The following CNTN3 variants were observed in gnomAD, a reference collection of about 807,000 sequenced individuals.
CNTN3 encodes contactin 3.
A neutral mutation model predicts 119.1 loss-of-function variants in CNTN3; 60 were observed. The observed-to-expected ratio is 0.50, with a 90% CI of 0.41 to 0.62. CNTN3 has a LOEUF of 0.62. Among genes scored for constraint, CNTN3 ranks in the 20% least tolerant of loss-of-function variants. The probability of loss-of-function intolerance (pLI) is 0.00; values close to 1 mark genes in which losing one functional copy is unlikely to be tolerated. For missense variants in CNTN3, 1,101 were observed against 1,242.4 expected, an observed-to-expected ratio of 0.89 and a Z score of 1.71; for synonymous variants, 450 against 438.7, an observed-to-expected ratio of 1.03 and a Z score of -0.32.
At position 74,581,260 on chromosome 3, in the gene CNTN3, T is replaced by A. The variant is rs192756348; in HGVS notation, c.-81+33131A>T. On this transcript the variant is annotated intron_variant, in intron 1 of 22. Coordinates refer to ENST00000263665, the MANE Select transcript of CNTN3 (RefSeq NM_020872.3). ...CTATAAAAGAAAAAAACTACTTGAATGATACTGTGAATTAACAATGCTGCA... is the reference window on the plus strand; with the variant it reads ...CTATAAAAGAAAAAAACTACTTGAAAGATACTGTGAATTAACAATGCTGCA... Among the ~76,000 whole-genome samples, 741 of 152,262 alleles carry A rather than the reference T, an allele frequency of 4.9e-3. 4 individuals carry two copies. The highest frequency in any genetic ancestry group is 4.9e-3 in the Non-Finnish European group (330 of 68,018).
chr3:74,429,140 A>G (rs888830281), intron 4 of CNTN3, among the ~76,000 whole-genome samples: 2 of 152,194 alleles, frequency 1.3e-5, no homozygotes, highest in Non-Finnish European at 2.9e-5. Context: ...TCTGATCGAA[A>G]TATCAGCATG....
intron 20 of CNTN3, among the ~76,000 whole-genome samples, chr3:74,276,150 T>C (rs149282372): frequency 2.1e-3 from 316 of 152,120 alleles, no homozygotes; most frequent in African/African-American, 7.5e-3. Flanking sequence ...ATAAAACAAT[T>C]ATTAATAGAC....
chr3:74,477,434 A>C (rs1702678327), intron 4 of CNTN3, among the ~76,000 whole-genome samples: 1 of 152,204 alleles, frequency 6.6e-6, no homozygotes, highest in African/African-American at 2.4e-5. Context: ...GGGACTCAGT[A>C]AAAGGATTTC....
chr3:74,585,997 C>G (rs1704586912), intron 1 of CNTN3, among the ~76,000 whole-genome samples: 2 of 152,034 alleles, frequency 1.3e-5, no homozygotes, highest in African/African-American at 4.8e-5. Flanking sequence ...AGTAGAATAC[C>G]AACCCACTGG....
chr3:74,306,428 T>TA, intron 13 of CNTN3, among the ~76,000 whole-genome samples: 1 of 152,126 alleles, frequency 6.6e-6, no homozygotes, highest in Non-Finnish European at 1.5e-5. Flanking sequence ...ATACTTTGAA[T>TA]AAAAAATAGC....
intron 8 of CNTN3, among the ~76,000 whole-genome samples, chr3:74,368,974 G>A (rs939281908): frequency 2.0e-5 from 3 of 151,976 alleles, no homozygotes; most frequent in African/African-American, 7.2e-5. Flanking sequence ...ATTTTAAAAT[G>A]CAAAATGAAT....
At chr3:74,435,952 T>C (rs1451628832) in intron 4 of CNTN3, among the ~76,000 whole-genome samples, 1 of 152,162 alleles carries the variant, frequency 6.6e-6, no homozygotes, top group Admixed American at 6.5e-5. Flanking sequence ...GTTTTCTTTA[T>C]AAAACACACT....
At chr3:74,532,610 G>A (rs376576199) in intron 1 of CNTN3, among the ~76,000 whole-genome samples, 12 of 151,986 alleles carry the variant, frequency 7.9e-5, no homozygotes, top group East Asian at 5.8e-4. Flanking sequence ...GGTGGGGAGC[G>A]TCCACAGCGT....
At chr3:74,341,062 G>A (rs1324438331) in intron 11 of CNTN3, among the ~76,000 whole-genome samples, 1 of 152,078 alleles carries the variant, frequency 6.6e-6, no homozygotes, top group Non-Finnish European at 1.5e-5. Flanking sequence ...AACACCTTCA[G>A]AATCACACAA....
intron 13 of CNTN3, among the ~76,000 whole-genome samples, chr3:74,305,659 T>C (rs532151225): frequency 6.6e-6 from 1 of 151,520 alleles, no homozygotes; most frequent in African/African-American, 2.4e-5. Context: ...TATTTGATCA[T>C]GACCGATCAT....
intron 2 of CNTN3, among the ~76,000 whole-genome samples, chr3:74,508,103 C>T (rs1703297232): frequency 1.3e-5 from 2 of 151,996 alleles, no homozygotes; most frequent in Non-Finnish European, 2.9e-5. Flanking sequence ...AATTGTAATC[C>T]CCATAATCCC....
chr3:74,424,993 A>T (rs556001281), intron 4 of CNTN3, 53 bp from the exon 5 acceptor site: 1 of 1,189,590 alleles, frequency 8.4e-7, no homozygotes, highest in African/African-American at 1.6e-5. Context: ...TTAAATCACA[A>T]ATTTTACACC....
intron 5 of CNTN3, among the ~76,000 whole-genome samples, chr3:74,383,884 T>C (rs746630338): frequency 6.6e-6 from 1 of 152,194 alleles, no homozygotes; most frequent in Non-Finnish European, 1.5e-5. Flanking sequence ...TTTTCGAAAT[T>C]ACAGAACAGT....
At chr3:74,270,523 AT>A (rs1201336383) in intron 20 of CNTN3, among the ~76,000 whole-genome samples, 1 of 152,166 alleles carries the variant, frequency 6.6e-6, no homozygotes, top group Admixed American at 6.5e-5. Context: ...AGGTTTGGGG[AT>A]TTGAGGTGCC....
chr3:74,530,094 G>A (rs984003847), intron 1 of CNTN3, among the ~76,000 whole-genome samples: 11 of 151,990 alleles, frequency 7.2e-5, no homozygotes, highest in Non-Finnish European at 1.5e-4. Flanking sequence ...CAGCATGTCA[G>A]GTATAAGCAC....
intron 5 of CNTN3, among the ~76,000 whole-genome samples, chr3:74,372,029 C>T (rs1295317587): frequency 7.2e-5 from 11 of 152,142 alleles, no homozygotes; most frequent in African/African-American, 2.4e-4. Flanking sequence ...CATCAGGAAT[C>T]ACCTCCTCAA....
At chr3:74,369,822 A>C in intron 7 of CNTN3, 67 bp downstream of exon 7, 1 of 883,658 alleles carries the variant, frequency 1.1e-6, no homozygotes, top group Non-Finnish European at 1.8e-6. Flanking sequence ...AGTCTCTCAA[A>C]AACCATCCTG....
intron 1 of CNTN3, among the ~76,000 whole-genome samples, chr3:74,597,327 A>T (rs868404185): frequency 1.2e-4 from 18 of 151,976 alleles, no homozygotes; most frequent in Middle Eastern, 3.2e-3. Flanking sequence ...AACTCTCTGC[A>T]CTCAAAGATC....
chr3:74,324,905 C>T (rs747031742), intron 13 of CNTN3, among the ~76,000 whole-genome samples: 2 of 152,064 alleles, frequency 1.3e-5, no homozygotes, highest in Non-Finnish European at 2.9e-5. Flanking sequence ...GTATATATAT[C>T]GGGAATTTGT....
Sources: allele counts gnomAD v4.1 joint callset (sites outside exome capture counted in the v4.1 genomes callset), GRCh38; gene constraint gnomAD v4.1.1; transcripts MANE v1.5; gene names NCBI Gene and HGNC (gene_info 2026-07-23, HGNC 2026-07-21).